NUP155: variants seen among roughly 807,000 people sequenced by gnomAD.
The protein encoded by NUP155 is nucleoporin 155.
Under a neutral mutation model 180.4 loss-of-function variants are expected in NUP155, and 71 were observed. The ratio of observed to expected loss-of-function variants is 0.39; its 90% confidence interval spans 0.33 to 0.48. The LOEUF (loss-of-function observed/expected upper bound fraction) is 0.48. Among genes scored for constraint, NUP155 ranks in the 20% least tolerant of loss-of-function variants. The probability of loss-of-function intolerance (pLI) is 0.91; values close to 1 mark genes in which losing one functional copy is unlikely to be tolerated. For synonymous variants in NUP155, 582 were observed against 559.5 expected, an observed-to-expected ratio of 1.04 and a Z score of -0.57; for missense variants, 1,553 against 1,648.9, an observed-to-expected ratio of 0.94 and a Z score of 1.01.
At chr5:37,346,593 A>T (rs1380621075) in intron 9 of NUP155, among the ~76,000 whole-genome samples, 1 of 151,268 alleles carries the variant, frequency 6.6e-6, no homozygotes, top group Non-Finnish European at 1.5e-5. Context: ...AATCGCTTGA[A>T]CCCGGGAGGT....
At position 37,370,923 on chromosome 5, in the gene NUP155, G is replaced by GGGCTGC; in HGVS notation, c.49_54dup (p.Ala17_Ala18dup). ...CCAGCATTTTCCAGAGCTTCCTGCAGGGCTGCGGCAGATGTAGAGGCCGGC... is the reference window on the plus strand; with the variant it reads ...CCAGCATTTTCCAGAGCTTCCTGCAGGGCTGCGGCTGCGGCAGATGTAGAGGCCGGC... On this transcript the variant is annotated inframe_insertion, in exon 1 of 35. Coordinates refer to ENST00000231498, the MANE Select transcript of NUP155 (RefSeq NM_153485.3). 1 of 1,614,216 alleles carries GGGCTGC rather than the reference G, an allele frequency of 6.2e-7. No homozygotes were observed. The highest frequency in any genetic ancestry group is 8.5e-7 in the Non-Finnish European group (1 of 1,180,048).
chr5:37,331,092 T>G (rs1744931768), intron 14 of NUP155, among the ~76,000 whole-genome samples: 1 of 149,266 alleles, frequency 6.7e-6, no homozygotes, highest in Admixed American at 6.7e-5. Context: ...GAGCTTAGAG[T>G]GAGCCGAGAT....
At chr5:37,352,360 A>AAAAC (rs1315728560) in intron 5 of NUP155, among the ~76,000 whole-genome samples, 2 of 151,922 alleles carry the variant, frequency 1.3e-5, no homozygotes, top group Non-Finnish European at 2.9e-5. Context: ...TCCCTTATCA[A>AAAAC]AAACAAACAA....
At chr5:37,364,068 C>G (rs1460511397) in intron 2 of NUP155, 84 bp from the exon 3 acceptor site, 11 of 1,226,560 alleles carry the variant, frequency 9.0e-6, no homozygotes, top group Admixed American at 1.7e-5. Context: ...TTAATATTTA[C>G]GTAAAAAATC....
At position 37,306,053 on chromosome 5, in the gene NUP155, T is replaced by C. The variant is rs139781788; in HGVS notation, c.2904-843A>G. Among the ~76,000 whole-genome samples, 120 of 152,280 alleles carry C rather than the reference T, an allele frequency of 7.9e-4. 1 individual carries two copies. Among genetic ancestry groups the C allele is most frequent in the African/African-American group, 2.7e-3 (112 of 41,568 alleles). ...TTTTTCAATAAGTTTGAGAAGTGTT[T>C]GGTTAAACATTAAAAGGGTAAAGTC... On this transcript the variant is annotated intron_variant, in intron 25 of 34. Transcript: ENST00000231498.
At chr5:37,353,954 T>C (rs1223070229) in intron 4 of NUP155, among the ~76,000 whole-genome samples, 1 of 152,214 alleles carries the variant, frequency 6.6e-6, no homozygotes, top group Admixed American at 6.6e-5. Context: ...GTATTATGTG[T>C]ATTTTACCAC....
intron 16 of NUP155, among the ~76,000 whole-genome samples, chr5:37,328,986 T>C (rs1353425579): frequency 6.6e-6 from 1 of 152,234 alleles, no homozygotes; most frequent in African/African-American, 2.4e-5. Context: ...GTAAATATGA[T>C]TGGTTACATC....
chr5:37,358,039 C>T (rs1178863316), intron 4 of NUP155, 42 bp downstream of exon 4: 3 of 1,344,368 alleles, frequency 2.2e-6, no homozygotes, highest in Non-Finnish European at 3.2e-6. Flanking sequence ...TTGGAGTTTA[C>T]ATATACAAAC....
In NUP155 at chr5:37,292,950, G is replaced by T; in HGVS notation, c.3966C>A (p.His1322Gln). Residue 1322 changes from histidine to glutamine, a missense_variant, in exon 34 of 35, where the codon CAC becomes CAA. By Grantham distance (24) the His-to-Gln change is conservative. Coordinates refer to ENST00000231498, the MANE Select transcript of NUP155 (RefSeq NM_153485.3). The stretch of plus-strand genomic sequence containing the variant: ...ATAATACATGTATACAATCCAAAAG[G>T]TGCAGTGGCTTCTTCATTCTGTTCC... ...PFWNRMKKPL[H>Q]LLDCIHVLLI... The T allele has an allele frequency of 6.2e-7, 1 of 1,612,336 alleles. No individual in the cohort carries two copies. Among genetic ancestry groups the T allele is most frequent in the Non-Finnish European group, 8.5e-7 (1 of 1,178,772 alleles).
At chr5:37,298,739 A>G in intron 32 of NUP155, 129 bp downstream of exon 32, 1 of 672,978 alleles carries the variant, frequency 1.5e-6, no homozygotes, top group Non-Finnish European at 2.7e-6. Flanking sequence ...CCGGAGAGGC[A>G]GAATTAAAGT....
At chr5:37,352,604 G>T in intron 5 of NUP155, 133 bp downstream of exon 5, 1 of 677,122 alleles carries the variant, frequency 1.5e-6, no homozygotes. Context: ...AAAAGAGCCT[G>T]AGGATTTGGC....
intron 1 of NUP155, among the ~76,000 whole-genome samples, chr5:37,365,366 GATC>G (rs1561818360): frequency 1.3e-5 from 2 of 152,002 alleles, no homozygotes; most frequent in Non-Finnish European, 2.9e-5. Context: ...TCCCTGATGT[GATC>G]ATTTCACATT....
chr5:37,293,093 TAAA>T, intron 33 of NUP155, 108 bp from the exon 34 acceptor site: 1 of 749,914 alleles, frequency 1.3e-6, no homozygotes, highest in South Asian at 1.5e-5. Context: ...TTATCGCTAT[TAAA>T]AAGCATTTAA....
chr5:37,358,989 C>T (rs1162998013), intron 3 of NUP155, among the ~76,000 whole-genome samples: 1 of 150,326 alleles, frequency 6.7e-6, no homozygotes, highest in African/African-American at 2.5e-5. Flanking sequence ...GCACTCCAGC[C>T]TGGCTAGAGA....
intron 27 of NUP155, among the ~76,000 whole-genome samples, chr5:37,304,403 A>G (rs1743037337): frequency 6.6e-6 from 1 of 152,154 alleles, no homozygotes; most frequent in Admixed American, 6.6e-5. Flanking sequence ...AGATTGAGGA[A>G]CACTGAAACT....
intron 8 of NUP155, among the ~76,000 whole-genome samples, 156 bp downstream of exon 8, chr5:37,349,016 A>G (rs191537544): frequency 9.9e-5 from 15 of 151,642 alleles, no homozygotes; most frequent in African/African-American, 3.6e-4. Context: ...TTGGCCTCCC[A>G]AAGTGCTGGG....
At chr5:37,353,346 G>T (rs572098732) in intron 4 of NUP155, among the ~76,000 whole-genome samples, 1 of 152,032 alleles carries the variant, frequency 6.6e-6, no homozygotes, top group African/African-American at 2.4e-5. Flanking sequence ...CCCATGGGAG[G>T]CTGAGGCAGG....
chr5:37,370,131 G>A (rs1267479972), intron 1 of NUP155, among the ~76,000 whole-genome samples: 1 of 152,218 alleles, frequency 6.6e-6, no homozygotes, highest in African/African-American at 2.4e-5. Flanking sequence ...AGCACTTTGG[G>A]AGGCCGAGGC....
rs771577745 is a variant in NUP155 at position 37,352,785 on chromosome 5, G to A, written c.508C>T (p.Pro170Ser). 1 of 1,613,604 alleles carries A rather than the reference G, an allele frequency of 6.2e-7. No individual in the cohort carries two copies. The highest frequency in any genetic ancestry group is 8.5e-7 in the Non-Finnish European group (1 of 1,179,718). Residue 170 changes from proline (P) to serine (S), a missense_variant, in exon 5 of 35, where the codon CCT (proline) becomes TCT (serine). By Grantham distance (74) the Pro-to-Ser change is moderately conservative (BLOSUM62 -1). Coordinates refer to ENST00000231498, the MANE Select transcript of NUP155 (RefSeq NM_153485.3). Reference protein sequence around the residue: ...HVRHLLVLATPVDIVILGLSY... With the variant: ...HVRHLLVLATSVDIVILGLSY... ...AGTCCAAGAATTACTATGTCTACAGGGGTCGCCAAAACCAGGAGGTGTCGC... is the reference window on the plus strand; with the variant it reads ...AGTCCAAGAATTACTATGTCTACAGAGGTCGCCAAAACCAGGAGGTGTCGC...
Sources: allele counts gnomAD v4.1 joint callset (sites outside exome capture counted in the v4.1 genomes callset), GRCh38; gene constraint gnomAD v4.1.1; transcripts MANE v1.5; gene names NCBI Gene and HGNC (gene_info 2026-07-23, HGNC 2026-07-21).